The following DNAH6 variants were observed in gnomAD, a reference collection of about 807,000 sequenced individuals.
The protein encoded by DNAH6 is dynein axonemal heavy chain 6, also known as axonemal beta dynein heavy chain 6.
DNAH6 carries 340 observed loss-of-function variants against 491.4 expected under a neutral mutation model. That is an observed-to-expected ratio of 0.69 (90% CI 0.63 to 0.76). DNAH6 has a LOEUF of 0.76. Ranked by LOEUF, DNAH6 falls within the 30% of genes least tolerant of loss-of-function variation. The pLI is 0.00. For synonymous variants in DNAH6, 1,603 were observed against 1,686.1 expected (o/e 0.95, Z 1.21); for missense variants, 4,443 against 4,972.2 (o/e 0.89, Z 3.20).
chr2:84,757,748 A>G (rs1485982094), intron 63 of DNAH6, among the ~76,000 whole-genome samples: 2 of 152,140 alleles, frequency 1.3e-5, no homozygotes, highest in Non-Finnish European at 2.9e-5. Context: ...GTGAGATACA[A>G]CCCTTGGGCT....
At chr2:84,581,735 T>C (rs1220342685) in intron 14 of DNAH6, among the ~76,000 whole-genome samples, 1 of 152,198 alleles carries the variant, frequency 6.6e-6, no homozygotes, top group African/African-American at 2.4e-5. Flanking sequence ...GAACTCTATG[T>C]AGCTAAAGCA....
intron 76 of DNAH6, among the ~76,000 whole-genome samples, chr2:84,816,551 C>T (rs1573897406): frequency 1.3e-5 from 2 of 152,254 alleles, no homozygotes; most frequent in Non-Finnish European, 2.9e-5. Flanking sequence ...TAGTGAAACC[C>T]TGTCTCTACT....
intron 21 of DNAH6, among the ~76,000 whole-genome samples, chr2:84,609,926 A>G (rs1686164568): frequency 6.6e-6 from 1 of 152,192 alleles, no homozygotes; most frequent in Non-Finnish European, 1.5e-5. Flanking sequence ...CTGTGAAACA[A>G]ATACTACAAA....
intron 13 of DNAH6, among the ~76,000 whole-genome samples, chr2:84,579,169 A>G (rs1682768919): frequency 6.6e-6 from 1 of 152,252 alleles, no homozygotes; most frequent in Non-Finnish European, 1.5e-5. Context: ...TTGTTTCTGA[A>G]GGAGAGATCA....
intron 10 of DNAH6, among the ~76,000 whole-genome samples, chr2:84,554,247 A>T (rs1659385662): frequency 1.3e-5 from 2 of 152,190 alleles, no homozygotes; most frequent in Non-Finnish European, 2.9e-5. Context: ...CTCGAAAACA[A>T]CTGAGTTGGG....
the DNAH6 span, among the ~76,000 whole-genome samples, chr2:84,493,513 A>T: frequency 6.6e-6 from 1 of 152,188 alleles, no homozygotes; most frequent in South Asian, 2.1e-4. Flanking sequence ...TTTAAAGTCA[A>T]ATTTATAAAA....
intron 26 of DNAH6, among the ~76,000 whole-genome samples, chr2:84,622,600 C>T (rs1281033376): frequency 6.6e-6 from 1 of 152,094 alleles, no homozygotes; most frequent in African/African-American, 2.4e-5. Flanking sequence ...GTGTTATTTC[C>T]ACATTTTGGC....
At chr2:84,709,076 A>G (rs1192266) in intron 54 of DNAH6, among the ~76,000 whole-genome samples, 21,841 of 152,224 alleles carry the variant, frequency 0.14, 2,393 homozygotes, top group African/African-American at 0.31. Context: ...GCGACAACCC[A>G]GTCATTTACA....
chr2:84,470,386 A>G, the DNAH6 span, among the ~76,000 whole-genome samples: 1 of 152,220 alleles, frequency 6.6e-6, no homozygotes, highest in African/African-American at 2.4e-5. Context: ...TGGCTACTCC[A>G]CAGACAGAGC....
chr2:84,679,765 T>G (rs1307722578), intron 41 of DNAH6, among the ~76,000 whole-genome samples: 1 of 152,200 alleles, frequency 6.6e-6, no homozygotes, highest in East Asian at 1.9e-4. Flanking sequence ...AAACAAATAT[T>G]TGTTGAGCAC....
Position 84,762,945 on chromosome 2 carries a change from G to A in DNAH6, c.10703G>A (p.Arg3568Gln), listed in dbSNP as rs763471376. Residue 3568 changes from arginine to glutamine, a missense_variant and splice_region_variant, in exon 64 of 77, where the codon CGG (arginine) becomes CAG (glutamine). By Grantham distance (43) the Arg-to-Gln change is conservative. Transcript: ENST00000389394. Reference protein sequence around the residue: ...RFARESGYSERVQSISLGQGQ... With the variant: ...RFARESGYSEQVQSISLGQGQ... ...GCCAGGGAAAGTGGATATTCAGAAC[G>A]GTAAGTTCATGTTGTGCAGTTTTAA... The A allele has an allele frequency of 1.9e-5, 30 of 1,549,182 alleles. No homozygotes were observed. The South Asian group carries it at 2.7e-4, about 14-fold the overall frequency.
chr2:84,748,613 TAGAC>T (rs1371116378), intron 63 of DNAH6, among the ~76,000 whole-genome samples: 1 of 152,206 alleles, frequency 6.6e-6, no homozygotes, highest in African/African-American at 2.4e-5. Context: ...GGTCACAACT[TAGAC>T]AGTCTCTAGG....
intron 22 of DNAH6, among the ~76,000 whole-genome samples, chr2:84,613,584 G>C (rs1686541890): frequency 6.6e-6 from 1 of 152,092 alleles, no homozygotes; most frequent in African/African-American, 2.4e-5. Context: ...TAGTGATAAA[G>C]AAATAGTATC....
chr2:84,574,168 T>C (rs1415752247), intron 12 of DNAH6, among the ~76,000 whole-genome samples: 1 of 152,150 alleles, frequency 6.6e-6, no homozygotes, highest in Non-Finnish European at 1.5e-5. Context: ...TAAATCATGA[T>C]GCATGTCTTT....
At chr2:84,690,087 G>C (rs948436532) in intron 45 of DNAH6, among the ~76,000 whole-genome samples, 11 of 152,114 alleles carry the variant, frequency 7.2e-5, no homozygotes, top group Admixed American at 6.6e-4. Context: ...CATATTCTGT[G>C]GAATAAATAC....
upstream of DNAH6, among the ~76,000 whole-genome samples, chr2:84,512,738 A>G (rs1675385170): frequency 6.6e-6 from 1 of 152,106 alleles, no homozygotes; most frequent in Admixed American, 6.5e-5. Context: ...GACTCTTTTC[A>G]TAACCTTTAT....
In DNAH6 at chr2:84,579,671, C is replaced by G; in HGVS notation, c.2221C>G (p.Gln741Glu). ...VHSLLFLDEI[Q>E]ERIESLEDEG... ...TAGCTTATTATTTCTTGATGAAATT[C>G]AGGAACGGGTGAGTTGATTATCTCA... Residue 741 changes from glutamine (Q) to glutamate (E), a missense_variant, in exon 14 of 77, where the codon CAG becomes GAG. Transcript: ENST00000389394. The G allele has an allele frequency of 6.3e-7, 1 of 1,584,038 alleles. No individual in the cohort carries two copies.
chr2:84,686,517 AT>A lies in DNAH6; in HGVS notation c.7103del (p.Leu2368Ter). The A allele has an allele frequency of 6.5e-7, 1 of 1,540,848 alleles. No homozygotes were observed. Among genetic ancestry groups the A allele is most frequent in the Non-Finnish European group, 8.8e-7 (1 of 1,139,134 alleles). On this transcript the variant is annotated frameshift_variant, in exon 44 of 77. Transcript: ENST00000389394. LOFTEE classifies it high-confidence loss of function. ...KHFGIAIDLE[Y>X]FLNKPIIFGD... The stretch of plus-strand genomic sequence containing the variant: ...TTTGGAATTGCAATTGACCTGGAAT[AT>A]TTTTTGAATAAGCCCATCATATTTG...
intron 37 of DNAH6, among the ~76,000 whole-genome samples, chr2:84,663,936 C>T (rs1691801885): frequency 6.6e-6 from 1 of 152,210 alleles, no homozygotes; most frequent in South Asian, 2.1e-4. Context: ...GAGTGGTGGC[C>T]AATATTCAAC....
Sources: gnomAD v4.1 joint callset for allele counts (sites outside exome capture counted in the v4.1 genomes callset) on GRCh38, gnomAD v4.1.1 for gene constraint, MANE v1.5 for transcripts, NCBI Gene and HGNC (gene_info 2026-07-23, HGNC 2026-07-21) for gene names.